The following CNTNAP5 variants were observed in gnomAD, a reference collection of about 807,000 sequenced individuals.
The protein encoded by CNTNAP5 is contactin associated protein family member 5.
A neutral mutation model predicts 150.2 loss-of-function variants in CNTNAP5; 72 were observed. The observed-to-expected ratio is 0.48, with a 90% confidence interval of 0.40 to 0.58. CNTNAP5 has a LOEUF of 0.58. Ranked by LOEUF, CNTNAP5 falls within the 20% of genes least tolerant of loss-of-function variation. The pLI, the probability that CNTNAP5 is intolerant of heterozygous loss-of-function variation, is 0.00. For synonymous variants in CNTNAP5, 672 were observed against 619.8 expected, an observed-to-expected ratio of 1.08 and a Z score of -1.25; for missense variants, 1,636 against 1,626.2, an observed-to-expected ratio of 1.01 and a Z score of -0.10.
chr2:124,727,987 TA>T (rs1680195987), intron 13 of CNTNAP5, among the ~76,000 whole-genome samples: 1 of 152,044 alleles, frequency 6.6e-6, no homozygotes, highest in African/African-American at 2.4e-5. Context: ...TCCTTCTACT[TA>T]ATTTGTGGAG....
At chr2:124,631,069 C>A (rs1287468015) in intron 12 of CNTNAP5, among the ~76,000 whole-genome samples, 1 of 151,968 alleles carries the variant, frequency 6.6e-6, no homozygotes, top group Non-Finnish European at 1.5e-5. Context: ...TCAAGGAAAT[C>A]AGACAGGACA....
At chr2:124,406,198 G>A (rs1691566426) in intron 3 of CNTNAP5, among the ~76,000 whole-genome samples, 1 of 152,182 alleles carries the variant, frequency 6.6e-6, no homozygotes, top group African/African-American at 2.4e-5. Flanking sequence ...AAAACAAACT[G>A]TACGGTTTTA....
chr2:124,510,558 CA>C (rs1378140460), intron 8 of CNTNAP5, among the ~76,000 whole-genome samples: 2 of 143,390 alleles, frequency 1.4e-5, no homozygotes, highest in African/African-American at 5.2e-5. Flanking sequence ...CACCAACATT[CA>C]TTGAGAAAAT....
rs186581448 is a variant in CNTNAP5, at chr2:124,386,217, T to C, written c.382-31226T>C. ...CCTAAGGCTGAAGAAACAATGTTGTTTAAATTTCTTTTCCATTGTGTGAAG... is the reference window on the plus strand; with the variant it reads ...CCTAAGGCTGAAGAAACAATGTTGTCTAAATTTCTTTTCCATTGTGTGAAG... On this transcript the variant is annotated intron_variant, in intron 3 of 23. Coordinates refer to ENST00000682447, the MANE Select transcript of CNTNAP5 (RefSeq NM_001367498.1). Among the ~76,000 whole-genome samples the C allele has an allele frequency of 9.8e-4, 149 of 152,334 alleles. 1 individual carries two copies. The highest frequency in any genetic ancestry group is 1.7e-3 in the Non-Finnish European group (115 of 68,038).
Position 124,242,271 on chromosome 2 carries a change from G to A in CNTNAP5, c.259G>A (p.Glu87Lys). The change falls in exon 3 of 24, where the codon GAG (glutamate) becomes AAG (lysine). Residue 87 changes from glutamate to lysine, a missense_variant. Transcript: ENST00000682447. ...WLQMDLGNRVEITAVATQGRY... is the reference protein window; with the variant it reads ...WLQMDLGNRVKITAVATQGRY... ...CCAGATGGACCTGGGAAACAGAGTA[G>A]AGATTACAGCAGTGGCCACGCAGGG... 4 of 1,609,320 alleles carry A rather than the reference G, an allele frequency of 2.5e-6. No individual in the cohort carries two copies. The highest frequency in any genetic ancestry group is 3.4e-6 in the Non-Finnish European group (4 of 1,177,832).
intron 13 of CNTNAP5, among the ~76,000 whole-genome samples, chr2:124,718,886 A>C (rs1279219069): frequency 6.6e-6 from 1 of 151,300 alleles, no homozygotes; most frequent in African/African-American, 2.5e-5. Flanking sequence ...CAGTGGTTGC[A>C]GTGAGCCGGG....
At chr2:124,701,405 G>A (rs566106412) in intron 13 of CNTNAP5, among the ~76,000 whole-genome samples, 9 of 152,084 alleles carry the variant, frequency 5.9e-5, no homozygotes, top group African/African-American at 2.2e-4. Context: ...ATGTACCTCA[G>A]TTTCTTTATT....
intron 12 of CNTNAP5, among the ~76,000 whole-genome samples, chr2:124,627,260 C>A (rs182084435): frequency 3.4e-3 from 514 of 152,280 alleles, no homozygotes; most frequent in Middle Eastern, 6.8e-3. Context: ...GGATCCCTGA[C>A]CCTGTGCCTC....
chr2:124,863,600 T>A (rs1164326724), intron 19 of CNTNAP5, among the ~76,000 whole-genome samples: 1 of 152,222 alleles, frequency 6.6e-6, no homozygotes, highest in Non-Finnish European at 1.5e-5. Context: ...CTATTCTTAA[T>A]TTATTGTTTC....
chr2:124,829,015 A>G (rs774861967), intron 19 of CNTNAP5, among the ~76,000 whole-genome samples: 1 of 152,116 alleles, frequency 6.6e-6, no homozygotes, highest in Non-Finnish European at 1.5e-5. Context: ...ACCTCTGGTC[A>G]TAGATTACAA....
intron 12 of CNTNAP5, among the ~76,000 whole-genome samples, chr2:124,634,199 C>A (rs974774474): frequency 1.3e-5 from 2 of 152,210 alleles, no homozygotes; most frequent in South Asian, 4.1e-4. Context: ...ATTTTTCAAA[C>A]CTTTACACTC....
At chr2:124,343,729 CTCTTT>C (rs1262566148) in intron 3 of CNTNAP5, among the ~76,000 whole-genome samples, 1 of 152,148 alleles carries the variant, frequency 6.6e-6, no homozygotes, top group African/African-American at 2.4e-5. Context: ...TCTCTCCTCT[CTCTTT>C]TGAGAGTTTT....
rs1252840478 is a variant in CNTNAP5 at position 124,025,353 on chromosome 2, A to G, written c.-298A>G. On this transcript the variant is annotated 5_prime_UTR_variant, in exon 1 of 24. Transcript: ENST00000682447. ...ACCGAGCTCCGGCGCCTGTCGTTCT[A>G]ATTGGGTTTGGATTTGCACCGTTAA... The G allele has an allele frequency of 3.1e-5, 11 of 349,312 alleles. No homozygotes were observed. The highest frequency in any genetic ancestry group is 5.4e-5 in the Non-Finnish European group (10 of 184,152). The allele number at this position is 349,312 out of a possible 1,614,324, so 21.6% of individuals were successfully genotyped here. A position where few individuals can be genotyped will look rare whatever the true frequency, so the allele number is the denominator to read the frequency against.
At chr2:124,371,912 A>G (rs1424898856) in intron 3 of CNTNAP5, among the ~76,000 whole-genome samples, 5 of 152,048 alleles carry the variant, frequency 3.3e-5, no homozygotes, top group Non-Finnish European at 7.4e-5. Context: ...TTAATATTAG[A>G]TGTCATCTTG....
chr2:124,474,935 T>A, intron 7 of CNTNAP5, 53 bp downstream of exon 7: 1 of 1,518,018 alleles, frequency 6.6e-7, no homozygotes, highest in Non-Finnish European at 8.9e-7. Context: ...TTGGGGTAAG[T>A]CTTGCTTTCA....
At chr2:124,639,535 G>T (rs946383726) in intron 12 of CNTNAP5, among the ~76,000 whole-genome samples, 5 of 152,226 alleles carry the variant, frequency 3.3e-5, no homozygotes, top group Non-Finnish European at 4.4e-5. Context: ...AAAGACAAAG[G>T]CTAGCCCTTT....
At chr2:124,748,153 A>G (rs1338667061) in intron 14 of CNTNAP5, among the ~76,000 whole-genome samples, 1 of 152,074 alleles carries the variant, frequency 6.6e-6, no homozygotes. Flanking sequence ...CAATAAACAC[A>G]TAGCAAAGGA....
intron 1 of CNTNAP5, among the ~76,000 whole-genome samples, chr2:124,164,279 G>C (rs1259619520): frequency 2.9e-4 from 44 of 152,288 alleles, no homozygotes; most frequent in Non-Finnish European, 1.0e-4. Context: ...TTTACAGCAA[G>C]TACATGGAGC....
At chr2:124,746,059 A>G (rs1171306835) in intron 13 of CNTNAP5, among the ~76,000 whole-genome samples, 1 of 152,236 alleles carries the variant, frequency 6.6e-6, no homozygotes, top group Non-Finnish European at 1.5e-5. Context: ...ACATCCTCAG[A>G]CAATTGCTAT....
Sources: gnomAD v4.1 joint callset for allele counts (sites outside exome capture counted in the v4.1 genomes callset) on GRCh38, gnomAD v4.1.1 for gene constraint, MANE v1.5 for transcripts, NCBI Gene and HGNC (gene_info 2026-07-23, HGNC 2026-07-21) for gene names.